PALLD: variants seen among roughly 807,000 people sequenced by gnomAD.
The protein encoded by PALLD is palladin, cytoskeletal associated protein.
A neutral mutation model predicts 123.5 loss-of-function variants in PALLD; 61 were observed. The ratio of observed to expected loss-of-function variants is 0.49; its 90% CI spans 0.40 to 0.61. PALLD has a LOEUF of 0.61. PALLD is among the 20% of genes least tolerant of loss of function. The pLI, the probability that PALLD is intolerant of heterozygous loss-of-function variation, is 0.00. For synonymous variants in PALLD, 465 were observed against 496.4 expected (o/e 0.94, Z 0.84); for missense variants, 1,273 against 1,377.0 (o/e 0.92, Z 1.20).
intron 10 of PALLD, among the ~76,000 whole-genome samples, chr4:168,758,685 AT>A (rs546300935): frequency 6.6e-6 from 1 of 152,286 alleles, no homozygotes; most frequent in South Asian, 2.1e-4. Context: ...AGAAAAAAAA[AT>A]ATTATGTCTC....
At chr4:168,631,447 GC>G (rs1156791174) in intron 2 of PALLD, among the ~76,000 whole-genome samples, 1 of 152,210 alleles carries the variant, frequency 6.6e-6, no homozygotes, top group Non-Finnish European at 1.5e-5. Flanking sequence ...AATTCCCCCC[GC>G]CCCTGGGCAA....
chr4:168,821,766 G>A (rs1742749346), intron 10 of PALLD, among the ~76,000 whole-genome samples: 2 of 151,374 alleles, frequency 1.3e-5, no homozygotes, highest in African/African-American at 2.4e-5. Context: ...TGTATTCCCA[G>A]CTACTCAGAA....
chr4:168,601,594 C>G (rs560166926), intron 2 of PALLD, among the ~76,000 whole-genome samples: 1 of 152,134 alleles, frequency 6.6e-6, no homozygotes, highest in Non-Finnish European at 1.5e-5. Context: ...AGATCCAACC[C>G]TCCGCTTCCT....
intron 10 of PALLD, among the ~76,000 whole-genome samples, chr4:168,748,986 T>C (rs1463335613): frequency 6.6e-6 from 1 of 152,196 alleles, no homozygotes; most frequent in Non-Finnish European, 1.5e-5. Flanking sequence ...TTTAGATATA[T>C]GTCCCTGCCA....
chr4:168,926,270 G>A lies in PALLD; in HGVS notation c.*90G>A, dbSNP rs1449112727. 1.3e-6 allele frequency: 2 copies of A among 1,537,002 alleles called. No homozygotes were observed. The highest frequency in any genetic ancestry group is 1.7e-6 in the Non-Finnish European group (2 of 1,146,810). On this transcript the variant is annotated 3_prime_UTR_variant, in exon 22 of 22. Transcript: ENST00000505667. Reference sequence around the variant, plus strand: ...CCAAAAAAAGTACGGCCCTCAGCCAGTCGCTATGCAGCACTTTCGGACCAG... The same window carrying A: ...CCAAAAAAAGTACGGCCCTCAGCCAATCGCTATGCAGCACTTTCGGACCAG...
chr4:168,528,704 T>C (rs1764304088), intron 2 of PALLD, among the ~76,000 whole-genome samples: 1 of 152,248 alleles, frequency 6.6e-6, no homozygotes, highest in Non-Finnish European at 1.5e-5. Flanking sequence ...TTTGTAATGA[T>C]GAGTGATTCA....
At chr4:168,839,712 C>T (rs1016997668) in intron 10 of PALLD, among the ~76,000 whole-genome samples, 11 of 152,038 alleles carry the variant, frequency 7.2e-5, no homozygotes, top group African/African-American at 2.4e-4. Context: ...TTGAACATTC[C>T]AAGTGGAGAT....
At chr4:168,892,624 A>G (rs1204695867) in intron 11 of PALLD, among the ~76,000 whole-genome samples, 1 of 152,220 alleles carries the variant, frequency 6.6e-6, no homozygotes, top group African/African-American at 2.4e-5. Context: ...GTAAATGTAC[A>G]TACTCTGGAA....
At chr4:168,545,961 C>G (rs962334777) in intron 2 of PALLD, among the ~76,000 whole-genome samples, 5 of 152,100 alleles carry the variant, frequency 3.3e-5, no homozygotes, top group African/African-American at 4.8e-5. Flanking sequence ...TTTTCAAACC[C>G]TTTATTTTCC....
intron 10 of PALLD, among the ~76,000 whole-genome samples, chr4:168,726,821 T>C (rs1301295072): frequency 6.6e-6 from 1 of 152,170 alleles, no homozygotes; most frequent in Non-Finnish European, 1.5e-5. Context: ...ATGGGTATAT[T>C]ATACCCATGT....
chr4:168,508,417 G>C (rs575318243), intron 1 of PALLD, among the ~76,000 whole-genome samples: 1 of 152,262 alleles, frequency 6.6e-6, no homozygotes, highest in Admixed American at 6.5e-5. Context: ...CGCACTACCA[G>C]GCATGTGGTA....
intron 10 of PALLD, among the ~76,000 whole-genome samples, chr4:168,751,493 C>T (rs1305097398): frequency 6.6e-6 from 1 of 152,168 alleles, no homozygotes; most frequent in East Asian, 1.9e-4. Flanking sequence ...CCCTGAGATC[C>T]ATGCCTGACA....
intron 2 of PALLD, among the ~76,000 whole-genome samples, chr4:168,512,999 G>C (rs1580059967): frequency 6.6e-6 from 1 of 151,646 alleles, no homozygotes; most frequent in East Asian, 1.9e-4. Context: ...GTATGCCAAA[G>C]CCCTGCAACA....
chr4:168,921,450 A>T, intron 17 of PALLD, 84 bp from the exon 18 acceptor site: 9 of 688,674 alleles, frequency 1.3e-5, no homozygotes, highest in Non-Finnish European at 2.3e-5. Context: ...CTACTGAAGG[A>T]GGAATTTATG....
chr4:168,707,753 A>G (rs1239006385), intron 8 of PALLD, among the ~76,000 whole-genome samples: 1 of 152,194 alleles, frequency 6.6e-6, no homozygotes, highest in African/African-American at 2.4e-5. Flanking sequence ...TTACTAAGAA[A>G]TGTACAATAC....
chr4:168,750,930 G>T (rs76835148), intron 10 of PALLD, among the ~76,000 whole-genome samples: 2 of 151,870 alleles, frequency 1.3e-5, no homozygotes, highest in African/African-American at 4.8e-5. Context: ...GTAACTGAAG[G>T]TAACAGAAAC....
chr4:168,715,953 A>C (rs1785326372), intron 10 of PALLD, among the ~76,000 whole-genome samples: 4 of 152,156 alleles, frequency 2.6e-5, no homozygotes, highest in Admixed American at 2.6e-4. Context: ...CCATCTCAAA[A>C]AAAAAAAAGT....
intron 9 of PALLD, 54 bp downstream of exon 9, chr4:168,709,201 A>G: frequency 1.9e-6 from 3 of 1,598,268 alleles, no homozygotes; most frequent in South Asian, 1.1e-5. Flanking sequence ...ACCAGTGTGG[A>G]TGGCCACAGC....
chr4:168,630,220 A>T (rs1561323387), intron 2 of PALLD, among the ~76,000 whole-genome samples: 1 of 152,242 alleles, frequency 6.6e-6, no homozygotes, highest in Non-Finnish European at 1.5e-5. Flanking sequence ...ACCCTGCTTC[A>T]TTGTGATGCC....
Sources: allele counts gnomAD v4.1 joint callset (sites outside exome capture counted in the v4.1 genomes callset), GRCh38; gene constraint gnomAD v4.1.1; transcripts MANE v1.5; gene names NCBI Gene and HGNC (gene_info 2026-07-23, HGNC 2026-07-21).